Variants in NEGR1 observed in about 807,000 individuals in gnomAD.
NEGR1 encodes neuronal growth regulator 1.
Under a neutral mutation model 40.9 loss-of-function variants are expected in NEGR1, and 10 were observed. The ratio of observed to expected loss-of-function variants is 0.24; its 90% confidence interval spans 0.15 to 0.42. The LOEUF (loss-of-function observed/expected upper bound fraction) is 0.42. Among genes scored for constraint, NEGR1 ranks in the 10% least tolerant of loss-of-function variants. NEGR1 has a pLI of 1.00. For missense variants in NEGR1, 352 were observed against 438.9 expected, an observed-to-expected ratio of 0.80 and a Z score of 1.77; for synonymous variants, 185 against 166.8, an observed-to-expected ratio of 1.11 and a Z score of -0.84.
At chr1:71,559,132 T>A (rs955358060) in intron 6 of NEGR1, among the ~76,000 whole-genome samples, 2 of 150,188 alleles carry the variant, frequency 1.3e-5, no homozygotes, top group Non-Finnish European at 3.0e-5. Flanking sequence ...CAAACACCTT[T>A]ATGGTTCATT....
At chr1:71,944,920 A>G (rs1352575694) in intron 1 of NEGR1, among the ~76,000 whole-genome samples, 1 of 152,234 alleles carries the variant, frequency 6.6e-6, no homozygotes, top group Non-Finnish European at 1.5e-5. Context: ...GGACTAAACC[A>G]TAATTCAGTA....
intron 1 of NEGR1, among the ~76,000 whole-genome samples, chr1:72,069,543 T>C (rs186721042): frequency 6.6e-6 from 1 of 152,276 alleles, no homozygotes; most frequent in East Asian, 1.9e-4. Flanking sequence ...ATAAATCTAC[T>C]TTTGATACCT....
chr1:71,913,198 C>T (rs1184452591), intron 2 of NEGR1, among the ~76,000 whole-genome samples: 1 of 152,150 alleles, frequency 6.6e-6, no homozygotes, highest in Non-Finnish European at 1.5e-5. Flanking sequence ...TCACTGCAAC[C>T]TCCACCTCCT....
chr1:71,585,696 T>A (rs1284228639), intron 6 of NEGR1, among the ~76,000 whole-genome samples: 1 of 150,458 alleles, frequency 6.6e-6, no homozygotes, highest in East Asian at 1.9e-4. Context: ...ATCTTTTTTT[T>A]TTTTTTTTTT....
At chr1:71,978,599 G>GA in intron 1 of NEGR1, among the ~76,000 whole-genome samples, 1 of 152,110 alleles carries the variant, frequency 6.6e-6, no homozygotes, top group South Asian at 2.1e-4. Flanking sequence ...TCAAGCATAT[G>GA]AAAAAAAGTT....
chr1:72,208,487 C>T (rs893401985), intron 1 of NEGR1, among the ~76,000 whole-genome samples: 15 of 151,272 alleles, frequency 9.9e-5, no homozygotes, highest in Non-Finnish European at 1.9e-4. Flanking sequence ...TTTTTCTTCC[C>T]GTATAATTTT....
rs1044728899 is a variant in NEGR1 at position 71,662,953 on chromosome 1, G to GT, written c.667+35054dup. On this transcript the variant is annotated intron_variant, in intron 4 of 6. Coordinates refer to ENST00000357731, the MANE Select transcript of NEGR1 (RefSeq NM_173808.3). Reference sequence around the variant, plus strand: ...ACTTCTACCAGTTTTGTTTTTTAGTGTTTTTTTTTTCTTTCTTTTTTGAGA... The same window carrying GT: ...ACTTCTACCAGTTTTGTTTTTTAGTGTTTTTTTTTTTCTTTCTTTTTTGAGA... Among the ~76,000 whole-genome samples, 250 of 147,960 alleles carry GT rather than the reference G, an allele frequency of 1.7e-3. 1 individual carries two copies. Among genetic ancestry groups the GT allele is most frequent in the African/African-American group, 3.9e-3 (160 of 40,520 alleles).
At chr1:71,811,776 T>A (rs1658009841) in intron 2 of NEGR1, among the ~76,000 whole-genome samples, 1 of 151,142 alleles carries the variant, frequency 6.6e-6, no homozygotes, top group African/African-American at 2.4e-5. Context: ...GTTTACTGAA[T>A]AAAGAAATAA....
intron 1 of NEGR1, among the ~76,000 whole-genome samples, chr1:72,166,550 T>C (rs1221798821): frequency 6.6e-6 from 1 of 151,968 alleles, no homozygotes; most frequent in African/African-American, 2.4e-5. Flanking sequence ...AGCAGACAAA[T>C]GGATAAAGAA....
chr1:71,820,276 CA>C (rs1231378768), intron 2 of NEGR1, among the ~76,000 whole-genome samples: 1 of 151,920 alleles, frequency 6.6e-6, no homozygotes, highest in Non-Finnish European at 1.5e-5. Context: ...AGGGCAGTCA[CA>C]GCAATAAAAA....
At chr1:72,048,603 G>T (rs1413042604) in intron 1 of NEGR1, among the ~76,000 whole-genome samples, 1 of 151,526 alleles carries the variant, frequency 6.6e-6, no homozygotes, top group Non-Finnish European at 1.5e-5. Flanking sequence ...GGTGGGGACA[G>T]GAACAAGCCT....
chr1:71,571,104 C>G (rs986690996), intron 6 of NEGR1: 1 of 152,136 alleles, frequency 6.6e-6, no homozygotes. Flanking sequence ...GTAGAGGACT[C>G]AGATATGTTG....
chr1:72,201,934 T>TA (rs1284164263), intron 1 of NEGR1, among the ~76,000 whole-genome samples: 1 of 151,938 alleles, frequency 6.6e-6, no homozygotes, highest in African/African-American at 2.4e-5. Context: ...GCTTTGCAGA[T>TA]ATTGCATTTT....
At chr1:71,448,971 G>A (rs925287009) in intron 6 of NEGR1, among the ~76,000 whole-genome samples, 1 of 152,058 alleles carries the variant, frequency 6.6e-6, no homozygotes, top group South Asian at 2.1e-4. Context: ...AATTTACTTC[G>A]GTTGTCAAAG....
At chr1:71,678,510 C>T (rs1382330500) in intron 4 of NEGR1, among the ~76,000 whole-genome samples, 1 of 152,116 alleles carries the variant, frequency 6.6e-6, no homozygotes, top group Non-Finnish European at 1.5e-5. Flanking sequence ...GCCATCAACA[C>T]ATTTAATAAT....
chr1:71,598,408 G>C (rs896083700), intron 5 of NEGR1, among the ~76,000 whole-genome samples: 1 of 152,192 alleles, frequency 6.6e-6, no homozygotes, highest in Non-Finnish European at 1.5e-5. Flanking sequence ...ATACTATCTG[G>C]ATATATCTCT....
intron 6 of NEGR1, among the ~76,000 whole-genome samples, chr1:71,464,215 C>T (rs1018886349): frequency 9.9e-5 from 15 of 152,052 alleles, no homozygotes; most frequent in African/African-American, 3.6e-4. Flanking sequence ...ATCATCAAGT[C>T]AGGGATGCAA....
intron 4 of NEGR1, among the ~76,000 whole-genome samples, chr1:71,671,425 CTGAAA>C (rs1344940643): frequency 2.0e-5 from 3 of 151,778 alleles, no homozygotes; most frequent in Non-Finnish European, 4.4e-5. Flanking sequence ...TAATAATGCA[CTGAAA>C]TAAGGGGAAA....
chr1:72,229,586 ATATACT>A (rs1435794878), intron 1 of NEGR1, among the ~76,000 whole-genome samples: 3 of 150,886 alleles, frequency 2.0e-5, no homozygotes, highest in Non-Finnish European at 4.4e-5. Context: ...AATCTGGAAA[ATATACT>A]TAAAATAATT....
Sources: allele counts gnomAD v4.1 joint callset (sites outside exome capture counted in the v4.1 genomes callset), GRCh38; gene constraint gnomAD v4.1.1; transcripts MANE v1.5; gene names NCBI Gene and HGNC (gene_info 2026-07-23, HGNC 2026-07-21).